The following SEMA3A variants were observed in gnomAD, a reference collection of about 807,000 sequenced individuals.
The protein encoded by SEMA3A is semaphorin 3A, also known as semaphorin-3A.
Under a neutral mutation model 97.9 loss-of-function variants are expected in SEMA3A, and 29 were observed. The observed-to-expected ratio is 0.30, with a 90% CI of 0.22 to 0.40. The LOEUF is 0.40. SEMA3A is among the 10% of genes least tolerant of loss of function. SEMA3A has a pLI of 1.00. For missense variants in SEMA3A, 763 were observed against 951.3 expected, an observed-to-expected ratio of 0.80 and a Z score of 2.60; for synonymous variants, 321 against 323.7, an observed-to-expected ratio of 0.99 and a Z score of 0.09.
chr7:84,082,253 T>C (rs1004545363), intron 4 of SEMA3A, among the ~76,000 whole-genome samples: 2 of 152,172 alleles, frequency 1.3e-5, no homozygotes, highest in Admixed American at 6.5e-5. Context: ...AGAGAACATA[T>C]TACATGTGTT....
At position 84,406,467 on chromosome 7, in the gene SEMA3A, G is replaced by A. The variant is rs1005406534; in HGVS notation, c.-245-34567C>T. Among the ~76,000 whole-genome samples the A allele has an allele frequency of 6.6e-5, 10 of 152,242 alleles. 2 individuals are homozygous for A. Among genetic ancestry groups the A allele is most frequent in the Admixed American group, 6.5e-5 (1 of 15,288 alleles). On this transcript the variant is annotated intron_variant, in intron 1 of 3. Transcript: ENST00000424555. ...GGATTCACAGCCGAATTCTACCAGAGGTACAAAGAGGAGCTGGTAGCATTC... is the reference window on the plus strand; with the variant it reads ...GGATTCACAGCCGAATTCTACCAGAAGTACAAAGAGGAGCTGGTAGCATTC...
At chr7:84,015,975 G>T (rs1791082038) in intron 6 of SEMA3A, among the ~76,000 whole-genome samples, 1 of 152,064 alleles carries the variant, frequency 6.6e-6, no homozygotes, top group Admixed American at 6.5e-5. Context: ...TTTTTTAAAA[G>T]ATCCATACAA....
intron 4 of SEMA3A, among the ~76,000 whole-genome samples, chr7:84,071,167 C>T (rs1343952978): frequency 1.3e-5 from 2 of 152,086 alleles, no homozygotes; most frequent in East Asian, 1.9e-4. Flanking sequence ...AAATTCCATT[C>T]GTCAGCTTCA....
intron 1 of SEMA3A, among the ~76,000 whole-genome samples, chr7:84,392,884 CA>C (rs1175931217): frequency 1.3e-5 from 2 of 151,770 alleles, no homozygotes; most frequent in African/African-American, 4.9e-5. Context: ...ATTTCTTAAT[CA>C]GATTATTTGT....
chr7:84,234,595 C>A (rs1324794732), intron 3 of SEMA3A, among the ~76,000 whole-genome samples: 2 of 151,994 alleles, frequency 1.3e-5, no homozygotes, highest in African/African-American at 4.8e-5. Flanking sequence ...TTGAACCATA[C>A]CCTTGTTGCG....
chr7:84,180,276 T>G (rs190444536), intron 1 of SEMA3A, among the ~76,000 whole-genome samples: 1 of 151,942 alleles, frequency 6.6e-6, no homozygotes, highest in Admixed American at 6.6e-5. Context: ...GGTCATTCTC[T>G]TTCACCTTCC....
intron 2 of SEMA3A, among the ~76,000 whole-genome samples, chr7:84,338,213 C>A (rs1246724913): frequency 6.6e-6 from 1 of 151,124 alleles, no homozygotes; most frequent in East Asian, 1.9e-4. Flanking sequence ...CCATATATCC[C>A]AATAATGGGT....
intron 4 of SEMA3A, among the ~76,000 whole-genome samples, chr7:84,095,749 C>T (rs907330879): frequency 6.6e-6 from 1 of 151,540 alleles, no homozygotes; most frequent in Non-Finnish European, 1.5e-5. Flanking sequence ...CAGGTTGCTT[C>T]TCTAATGTTT....
chr7:84,137,004 G>GGAAGGAAA (rs1246210488), intron 1 of SEMA3A, among the ~76,000 whole-genome samples: 8 of 149,176 alleles, frequency 5.4e-5, no homozygotes, highest in Non-Finnish European at 8.9e-5. Flanking sequence ...AAGGAAGGAA[G>GGAAGGAAA]GAAAAGAGTT....
At chr7:84,277,845 T>C (rs2115730044) in intron 3 of SEMA3A, among the ~76,000 whole-genome samples, 1 of 152,252 alleles carries the variant, frequency 6.6e-6, no homozygotes, top group African/African-American at 2.4e-5. Context: ...GAGGCCTTTT[T>C]TCCATTGTCT....
chr7:84,369,542 A>T (rs1002422324), intron 2 of SEMA3A, among the ~76,000 whole-genome samples: 1 of 151,180 alleles, frequency 6.6e-6, no homozygotes, highest in African/African-American at 2.4e-5. Flanking sequence ...TATATTGAAC[A>T]GTCTTTTTAA....
intron 1 of SEMA3A, among the ~76,000 whole-genome samples, chr7:84,391,398 G>T (rs1231153544): frequency 2.0e-5 from 3 of 152,126 alleles, no homozygotes; most frequent in Non-Finnish European, 4.4e-5. Context: ...GCATCAATGT[G>T]AAGAGGGATG....
intron 6 of SEMA3A, among the ~76,000 whole-genome samples, chr7:84,030,334 A>G (rs1270529589): frequency 6.6e-6 from 1 of 152,190 alleles, no homozygotes; most frequent in Non-Finnish European, 1.5e-5. Flanking sequence ...TTTTTAAATT[A>G]GAGCACGTTT....
chr7:84,261,073 G>C (rs1044373326), intron 3 of SEMA3A, among the ~76,000 whole-genome samples: 1 of 152,180 alleles, frequency 6.6e-6, no homozygotes, highest in South Asian at 2.1e-4. Context: ...ATTACCAACT[G>C]TGAGAAGGAG....
At chr7:84,216,491 A>AT (rs1798758657) in intron 3 of SEMA3A, among the ~76,000 whole-genome samples, 2 of 152,186 alleles carry the variant, frequency 1.3e-5, no homozygotes, top group Non-Finnish European at 2.9e-5. Context: ...TTTTTAAAGC[A>AT]TTTTTTCAAA....
intron 2 of SEMA3A, among the ~76,000 whole-genome samples, chr7:84,356,701 G>A (rs894961964): frequency 6.6e-6 from 1 of 151,728 alleles, no homozygotes; most frequent in Non-Finnish European, 1.5e-5. Context: ...GTACATACTA[G>A]GAAGTCTATA....
At chr7:84,067,159 C>T (rs1010070289) in intron 4 of SEMA3A, among the ~76,000 whole-genome samples, 1 of 152,158 alleles carries the variant, frequency 6.6e-6, no homozygotes, top group African/African-American at 2.4e-5. Context: ...CTGAGAAAAA[C>T]AAGCAATCGG....
intron 2 of SEMA3A, among the ~76,000 whole-genome samples, chr7:84,350,150 C>T (rs1040412724): frequency 6.6e-6 from 1 of 152,092 alleles, no homozygotes; most frequent in Admixed American, 6.6e-5. Flanking sequence ...TTTCCATGAC[C>T]TTTCAGATAA....
intron 4 of SEMA3A, among the ~76,000 whole-genome samples, chr7:84,088,114 T>C (rs1278964115): frequency 6.6e-6 from 1 of 152,134 alleles, no homozygotes; most frequent in East Asian, 1.9e-4. Flanking sequence ...ATCTTTTCAT[T>C]ATAAATCCAC....
Sources: allele counts gnomAD v4.1 joint callset (sites outside exome capture counted in the v4.1 genomes callset), GRCh38; gene constraint gnomAD v4.1.1; transcripts MANE v1.5; gene names NCBI Gene and HGNC (gene_info 2026-07-23, HGNC 2026-07-21).